Variants in FZD6 observed in about 807,000 individuals in gnomAD.
FZD6 encodes the protein frizzled class receptor 6.
Under a neutral mutation model 61.4 loss-of-function variants are expected in FZD6, and 49 were observed. The observed-to-expected ratio is 0.80, with a 90% CI of 0.63 to 1.01. The LOEUF is 1.01. Among genes scored for constraint, FZD6 ranks in the 50% least tolerant of loss-of-function variants. FZD6 has a pLI of 0.00. For missense variants in FZD6, 724 were observed against 848.2 expected, an observed-to-expected ratio of 0.85 and a Z score of 1.82; for synonymous variants, 265 against 292.2, an observed-to-expected ratio of 0.91 and a Z score of 0.95.
rs118064825 is a variant in FZD6, at chr8:103,304,535, C to G, written c.177+4251C>G. Among the ~76,000 whole-genome samples the G allele has an allele frequency of 6.3e-4, 96 of 152,304 alleles. 3 individuals are homozygous for G. The East Asian group carries it at 0.019, about 29-fold the overall frequency. ...TAGAAGTTTGGATTGCAAATTTTTA[C>G]TGTAAAAGACCAAATTATTTTGACT... On this transcript the variant is annotated intron_variant, in intron 2 of 6. Transcript: ENST00000358755.
chr8:103,331,233 T>A (rs1586533258), intron 6 of FZD6, 108 bp from the exon 7 acceptor site: 1 of 824,796 alleles, frequency 1.2e-6, no homozygotes, highest in East Asian at 2.4e-5. Context: ...CTGTTAGCTA[T>A]TTATTCTCTG....
intron 2 of FZD6, among the ~76,000 whole-genome samples, chr8:103,307,152 C>G (rs1814359220): frequency 6.6e-6 from 1 of 152,192 alleles, no homozygotes; most frequent in Non-Finnish European, 1.5e-5. Context: ...CAGGACCACT[C>G]TGCTTAGGTT....
Position 103,325,165 on chromosome 8 carries a change from T to C in FZD6, c.1059T>C (p.Ile353=). The C allele has an allele frequency of 6.2e-7, 1 of 1,614,022 alleles. No homozygotes were observed. The highest frequency in any genetic ancestry group is 2.2e-5 in the East Asian group (1 of 44,890). The change falls in exon 4 of 7, where the codon ATT becomes ATC. Residue 353 remains isoleucine, a synonymous_variant. Transcript: ENST00000358755. ...TGAACAAAGTTGAAGGAGACAACAT[T>C]AGTGGAGTTTGCTTTGTTGGCCTTT... ...LAMNKVEGDN[I]SGVCFVGLYD...
chr8:103,330,186 AG>A (rs1301985047), intron 6 of FZD6, 121 bp downstream of exon 6: 1 of 922,280 alleles, frequency 1.1e-6, no homozygotes, highest in East Asian at 2.6e-5. Context: ...TCTTACCCCA[AG>A]GAAGTTTGGG....
intron 3 of FZD6, among the ~76,000 whole-genome samples, chr8:103,321,561 A>G (rs762019030): frequency 2.6e-5 from 4 of 152,244 alleles, no homozygotes; most frequent in African/African-American, 4.8e-5. Flanking sequence ...TGTGGTAAAA[A>G]CATGAAGGCT....
Position 103,324,505 on chromosome 8 carries a change from T to C in FZD6, c.399T>C (p.Val133=), listed in dbSNP as rs201847226. The change falls in exon 4 of 7, where the codon GTT becomes GTC. Residue 133 remains valine (V), a synonymous_variant. Transcript: ENST00000358755. ...GATTACAATACTGTGATGAGACTGT[T>C]CCTGTAACTTTTGATCCACACACAG... ...CDRLQYCDET[V]PVTFDPHTEF... 22 of 1,598,072 alleles carry C rather than the reference T, an allele frequency of 1.4e-5. No individual in the cohort carries two copies. The highest frequency in any genetic ancestry group is 1.7e-4 in the Middle Eastern group (1 of 6,020).
At position 103,318,729 on chromosome 8, in the gene FZD6, GC is replaced by G. The variant is rs753775804; in HGVS notation, c.318del (p.Cys106Ter). 7 of 1,610,940 alleles carry G rather than the reference GC, an allele frequency of 4.3e-6. No individual in the cohort carries two copies. Among genetic ancestry groups the G allele is most frequent in the Non-Finnish European group, 1.7e-6 (2 of 1,177,314 alleles). ...CTTTGTGAGAAAGTATATTCTGATT[GC>G]AAAAAATTAATTGACACTTTTGGGA... ...RKLCEKVYSD[C>X]KKLIDTFGIR... On this transcript the variant is annotated frameshift_variant, in exon 3 of 7. Coordinates refer to ENST00000358755, the MANE Select transcript of FZD6 (RefSeq NM_003506.4). LOFTEE classifies it high-confidence loss of function.
chr8:103,327,119 T>C (rs1158097747), intron 4 of FZD6, among the ~76,000 whole-genome samples: 2 of 152,242 alleles, frequency 1.3e-5, no homozygotes, highest in African/African-American at 4.8e-5. Flanking sequence ...GTGTGTACAC[T>C]GATACTGCCC....
rs1199234004 is a variant in FZD6 at position 103,332,429 on chromosome 8, T to C, written c.*920T>C. On this transcript the variant is annotated 3_prime_UTR_variant, in exon 7 of 7. Coordinates refer to ENST00000358755, the MANE Select transcript of FZD6 (RefSeq NM_003506.4). ...AACTTTTGTTTTTTAACATTTAGAA[T>C]ATTACATTTTGTATTATACAGTACC... is the stretch of plus-strand genomic sequence containing the variant. 6.6e-6 allele frequency: 1 copy of C among 152,214 alleles called. No individual in the cohort carries two copies. Among genetic ancestry groups the C allele is most frequent in the Non-Finnish European group, 1.5e-5 (1 of 68,012 alleles). The allele number at this position is 152,214 out of a possible 1,614,324, so 9.4% of individuals were successfully genotyped here.
chr8:103,318,033 C>T (rs1004524090), intron 2 of FZD6, among the ~76,000 whole-genome samples: 5 of 151,948 alleles, frequency 3.3e-5, no homozygotes, highest in African/African-American at 1.2e-4. Context: ...GGAGTTGTCC[C>T]GGAGCAGATG....
At chr8:103,327,613 T>G (rs1176926388) in intron 4 of FZD6, among the ~76,000 whole-genome samples, 2 of 151,584 alleles carry the variant, frequency 1.3e-5, no homozygotes, top group Non-Finnish European at 2.9e-5. Flanking sequence ...AAAAATAAAA[T>G]AAAAAATAAA....
chr8:103,330,156 G>A (rs999410847), intron 6 of FZD6, 91 bp downstream of exon 6: 1 of 1,185,262 alleles, frequency 8.4e-7, no homozygotes, highest in African/African-American at 1.5e-5. Context: ...AAAGCATTTT[G>A]TGATATATTA....
In FZD6 at chr8:103,331,542, T is replaced by C; in HGVS notation, c.*33T>C. 5.5e-6 allele frequency: 8 copies of C among 1,441,746 alleles called. No homozygotes were observed. The highest frequency in any genetic ancestry group is 6.8e-6 in the Non-Finnish European group (7 of 1,024,004). 89.3% of individuals were successfully genotyped at this position (1,441,746 alleles called of 1,614,324 possible). Reference sequence around the variant, plus strand: ...TTTCTCTCGTTACTCAGAAGCAAATTTGTGTTACACTGGAAGTGACCTATG... The same window carrying C: ...TTTCTCTCGTTACTCAGAAGCAAATCTGTGTTACACTGGAAGTGACCTATG... On this transcript the variant is annotated 3_prime_UTR_variant, in exon 7 of 7. Transcript: ENST00000358755.
chr8:103,327,640 A>G (rs1586528402), intron 4 of FZD6, among the ~76,000 whole-genome samples: 1 of 152,078 alleles, frequency 6.6e-6, no homozygotes, highest in African/African-American at 2.4e-5. Flanking sequence ...AAAGAGCTCT[A>G]TTTGTATTGA....
In FZD6 at chr8:103,300,147, C is replaced by T; in HGVS notation, c.40C>T (p.Pro14Ser). ...ATTTTTGTTGACGTGTATTTTTCTA[C>T]CCCTCCTAAGAGGGCACAGTCTCTT... ...FTFLLTCIFL[P>S]LLRGHSLFTC... The change falls in exon 2 of 7, where the codon CCC becomes TCC. Residue 14 changes from proline to serine, a missense_variant. By Grantham distance (74) the Pro-to-Ser change is moderately conservative. Transcript: ENST00000358755. 1 of 1,603,192 alleles carries T rather than the reference C, an allele frequency of 6.2e-7. No individual in the cohort carries two copies. Among genetic ancestry groups the T allele is most frequent in the South Asian group, 1.1e-5 (1 of 90,860 alleles).
At chr8:103,320,794 C>G (rs1016497360) in intron 3 of FZD6, among the ~76,000 whole-genome samples, 2 of 151,766 alleles carry the variant, frequency 1.3e-5, no homozygotes, top group South Asian at 4.2e-4. Context: ...GCTAAAGAGC[C>G]GAGAAGCCAG....
At chr8:103,313,879 C>T (rs868636504) in intron 2 of FZD6, among the ~76,000 whole-genome samples, 1 of 151,620 alleles carries the variant, frequency 6.6e-6, no homozygotes, top group East Asian at 1.9e-4. Context: ...TTACACATAA[C>T]AATCTAGGTT....
rs1253592059 is a variant in FZD6 at position 103,325,285 on chromosome 8, A to G, written c.1179A>G (p.Leu393=). 6.2e-7 allele frequency: 1 copy of G among 1,614,100 alleles called. No homozygotes were observed. The highest frequency in any genetic ancestry group is 8.5e-7 in the Non-Finnish European group (1 of 1,179,930). ...LSLLLAGIIS[L]NHVRQVIQHD... is the part of the protein sequence containing the mutation. ...TTCTTTTAGCTGGCATTATTTCCTT[A>G]AATCATGTTCGACAAGTCATACAAC... Residue 393 remains leucine, a synonymous_variant, in exon 4 of 7, where the codon TTA becomes TTG. Coordinates refer to ENST00000358755, the MANE Select transcript of FZD6 (RefSeq NM_003506.4).
intron 2 of FZD6, among the ~76,000 whole-genome samples, chr8:103,310,612 TGTTA>T (rs939146815): frequency 7.2e-5 from 11 of 152,092 alleles, no homozygotes; most frequent in African/African-American, 2.7e-4. Context: ...GATGCCAGTT[TGTTA>T]TTCTCTTCCT....
Sources: allele counts gnomAD v4.1 joint callset (sites outside exome capture counted in the v4.1 genomes callset), GRCh38; gene constraint gnomAD v4.1.1; transcripts MANE v1.5; gene names NCBI Gene and HGNC (gene_info 2026-07-23, HGNC 2026-07-21).